The following RANBP2 variants were observed in gnomAD, a reference collection of about 807,000 sequenced individuals.
RANBP2 encodes the protein E3 SUMO-protein ligase RanBP2.
Under a neutral mutation model 303.6 loss-of-function variants are expected in RANBP2, and 57 were observed. The ratio of observed to expected loss-of-function variants is 0.19; its 90% CI spans 0.15 to 0.23. The LOEUF (loss-of-function observed/expected upper bound fraction) is 0.23. RANBP2 is among the 10% of genes least tolerant of loss of function. The pLI is 1.00. For missense variants in RANBP2, 3,138 were observed against 3,780.8 expected (o/e 0.83, Z 4.46); for synonymous variants, 1,167 against 1,301.5 (o/e 0.90, Z 2.23).
chr2:109,542,264 T>C, the RANBP2 span, among the ~76,000 whole-genome samples: 3 of 152,210 alleles, frequency 2.0e-5, no homozygotes, highest in Admixed American at 6.5e-5. Context: ...AAATCTTACA[T>C]GGAACCCAAA....
chr2:109,369,172 G>A, the RANBP2 span, among the ~76,000 whole-genome samples: 831 of 150,676 alleles, frequency 5.5e-3, 6 homozygotes, highest in African/African-American at 0.018. Flanking sequence ...GTGAAACCCC[G>A]TCTCTTCTTA....
At chr2:109,106,417 C>T in the RANBP2 span, among the ~76,000 whole-genome samples, 5 of 152,184 alleles carry the variant, frequency 3.3e-5, no homozygotes, top group Admixed American at 3.3e-4. Flanking sequence ...CATCACGATG[C>T]ATCTAATCTA....
chr2:109,427,462 G>T, the RANBP2 span, among the ~76,000 whole-genome samples: 3 of 152,160 alleles, frequency 2.0e-5, no homozygotes, highest in Non-Finnish European at 2.9e-5. Context: ...CCACAGGTAT[G>T]CCTGTACCTG....
At chr2:109,091,384 A>G in the RANBP2 span, among the ~76,000 whole-genome samples, 1 of 152,002 alleles carries the variant, frequency 6.6e-6, no homozygotes, top group Admixed American at 6.5e-5. Context: ...CCTGATTAGA[A>G]GCTTCTAGTT....
the RANBP2 span, among the ~76,000 whole-genome samples, chr2:108,861,472 C>CTTTTTTTTTTTTTTTTTTT: frequency 2.4e-5 from 3 of 123,550 alleles, no homozygotes; most frequent in South Asian, 2.7e-4. Context: ...AACTTTCTTC[C>CTTTTTTTTTTTTTTTTTTT]TTTTTTTTTT....
At chr2:109,619,269 C>T in the RANBP2 span, among the ~76,000 whole-genome samples, 1 of 152,188 alleles carries the variant, frequency 6.6e-6, no homozygotes, top group Admixed American at 6.6e-5. Flanking sequence ...TTTAGCAAAA[C>T]TGCTGTAGTT....
At chr2:109,696,198 C>A in the RANBP2 span, among the ~76,000 whole-genome samples, 1 of 152,028 alleles carries the variant, frequency 6.6e-6, no homozygotes, top group East Asian at 1.9e-4. Context: ...CTCCTGACCT[C>A]GTGATCTGCC....
the RANBP2 span, among the ~76,000 whole-genome samples, chr2:109,608,935 A>G: frequency 3.9e-5 from 6 of 152,246 alleles, no homozygotes; most frequent in African/African-American, 1.4e-4. Context: ...TCACATTAAT[A>G]TGGTTGAAAG....
chr2:109,418,266 C>G, the RANBP2 span, among the ~76,000 whole-genome samples: 1 of 152,140 alleles, frequency 6.6e-6, no homozygotes, highest in Non-Finnish European at 1.5e-5. Context: ...GAGGTGGACC[C>G]CTTCCTCCTC....
At chr2:108,733,619 C>T (rs112927765) in intron 4 of RANBP2, among the ~76,000 whole-genome samples, 3,290 of 152,190 alleles carry the variant, frequency 0.022, 137 homozygotes, top group African/African-American at 0.075. Context: ...TAATCTAAAA[C>T]GTGAGGTCTA....
chr2:109,410,922 A>G, the RANBP2 span, among the ~76,000 whole-genome samples: 1 of 152,170 alleles, frequency 6.6e-6, no homozygotes, highest in Non-Finnish European at 1.5e-5. Context: ...ATTTTTACTC[A>G]AAGGCACCTG....
At chr2:108,932,102 C>G in the RANBP2 span, among the ~76,000 whole-genome samples, 3 of 152,220 alleles carry the variant, frequency 2.0e-5, no homozygotes, top group Admixed American at 6.5e-5. Flanking sequence ...CACACAAAAA[C>G]ACCGTGACGA....
At chr2:108,746,330 A>T (rs1696520714) in intron 7 of RANBP2, among the ~76,000 whole-genome samples, 1 of 148,338 alleles carries the variant, frequency 6.7e-6, no homozygotes. Context: ...CTTGTGCCTC[A>T]GCCTTCCATG....
At chr2:109,449,079 G>T in the RANBP2 span, 1 of 1,439,168 alleles carries the variant, frequency 6.9e-7, no homozygotes, top group Admixed American at 2.1e-5. Context: ...TGCTCGAGAA[G>T]GGAGCCTGAG....
At chr2:108,924,767 G>A in the RANBP2 span, among the ~76,000 whole-genome samples, 1 of 152,206 alleles carries the variant, frequency 6.6e-6, no homozygotes, top group Non-Finnish European at 1.5e-5. Context: ...TCCCAGAGAA[G>A]CCACGACAGC....
At chr2:109,125,727 G>C in the RANBP2 span, among the ~76,000 whole-genome samples, 1 of 152,260 alleles carries the variant, frequency 6.6e-6, no homozygotes, top group Non-Finnish European at 1.5e-5. Context: ...TGGCTGTAAA[G>C]CCAGGTCTTC....
chr2:108,986,329 A>C, the RANBP2 span, among the ~76,000 whole-genome samples: 1 of 152,214 alleles, frequency 6.6e-6, no homozygotes, highest in African/African-American at 2.4e-5. Flanking sequence ...CTCTGAGGAC[A>C]GGAGATGAGT....
chr2:109,604,249 C>T, the RANBP2 span, among the ~76,000 whole-genome samples: 1 of 146,926 alleles, frequency 6.8e-6, no homozygotes, highest in African/African-American at 2.5e-5. Context: ...GAGGCTGAGA[C>T]AGGAGAATTG....
chr2:109,306,018 C>T, the RANBP2 span, among the ~76,000 whole-genome samples: 1 of 152,344 alleles, frequency 6.6e-6, no homozygotes, highest in Non-Finnish European at 1.5e-5. Flanking sequence ...CAGGTGACTT[C>T]AGGAGTGATT....
Sources: allele counts gnomAD v4.1 joint callset (sites outside exome capture counted in the v4.1 genomes callset), GRCh38; gene constraint gnomAD v4.1.1; transcripts MANE v1.5; gene names NCBI Gene and HGNC (gene_info 2026-07-23, HGNC 2026-07-21).